Variants in RAD51D observed in about 807,000 individuals in gnomAD.
RAD51D encodes the protein RAD51 paralog D.
RAD51D carries 38 observed loss-of-function variants against 44.1 expected under a neutral mutation model. The ratio of observed to expected loss-of-function variants is 0.86; its 90% CI spans 0.67 to 1.13. The LOEUF is 1.13. Ranked by LOEUF, RAD51D falls within the 50% of genes most tolerant of loss-of-function variation. The probability of loss-of-function intolerance (pLI) is 0.00; values close to 1 mark genes in which losing one functional copy is unlikely to be tolerated. For missense variants in RAD51D, 390 were observed against 414.0 expected, an observed-to-expected ratio of 0.94 and a Z score of 0.50; for synonymous variants, 141 against 166.6, an observed-to-expected ratio of 0.85 and a Z score of 1.18.
rs953730173 is a variant in RAD51D, at chr17:35,098,909, T to C, written c.*2044A>G. Reference sequence around the variant, plus strand: ...CCCAGGCTGGGGTGTAGTGGTGCGATCAGGGCTCACTGCAGCCACAACCTC... The same window carrying C: ...CCCAGGCTGGGGTGTAGTGGTGCGACCAGGGCTCACTGCAGCCACAACCTC... On this transcript the variant is annotated 3_prime_UTR_variant, in exon 10 of 10. Coordinates refer to ENST00000345365, the MANE Select transcript of RAD51D (RefSeq NM_002878.4). 6.6e-6 allele frequency: 1 copy of C among 152,172 alleles called. No individual in the cohort carries two copies. The highest frequency in any genetic ancestry group is 2.4e-5 in the African/African-American group (1 of 41,382). The allele number at this position is 152,172 out of a possible 1,614,324, so 9.4% of individuals were successfully genotyped here. A position where few individuals can be genotyped will look rare whatever the true frequency, so the allele number is the denominator to read the frequency against.
chr17:35,106,612 G>C (rs899468343), intron 5 of RAD51D, 131 bp from the exon 6 acceptor site: 70 of 739,928 alleles, frequency 9.5e-5, no homozygotes, highest in Non-Finnish European at 1.3e-4. Context: ...TTTGTCTAAT[G>C]GTCAGTTGTC....
In RAD51D at chr17:35,100,340, T is replaced by C. The variant is rs2091519553; in HGVS notation, c.*613A>G. The C allele has an allele frequency of 1.9e-6, 1 of 534,124 alleles. No individual in the cohort carries two copies. The highest frequency in any genetic ancestry group is 1.5e-5 in the South Asian group (1 of 65,180). 33.1% of individuals were successfully genotyped at this position (534,124 alleles called of 1,614,324 possible). Reference sequence around the variant, plus strand: ...TTCTTTGGGCCTCACTGGGGGAAACTGAAAAACAGCCTTCTAAGGGGAAAT... The same window carrying C: ...TTCTTTGGGCCTCACTGGGGGAAACCGAAAAACAGCCTTCTAAGGGGAAAT... On this transcript the variant is annotated 3_prime_UTR_variant, in exon 10 of 10. Transcript: ENST00000345365.
chr17:35,117,812 C>T (rs2091767810), intron 3 of RAD51D, among the ~76,000 whole-genome samples: 1 of 152,160 alleles, frequency 6.6e-6, no homozygotes, highest in Admixed American at 6.5e-5. Flanking sequence ...GCAACTCCTT[C>T]TTTCTCTGAA....
At position 35,099,680 on chromosome 17, in the gene RAD51D, C is replaced by T. The variant is rs370047559; in HGVS notation, c.*1273G>A. On this transcript the variant is annotated 3_prime_UTR_variant, in exon 10 of 10. Coordinates refer to ENST00000345365, the MANE Select transcript of RAD51D (RefSeq NM_002878.4). ...ATGTCATTACTTTCTGAGTGTAACT[C>T]GGACCCTCCTTTCCTGCAGCCAAGA... The T allele has an allele frequency of 5.2e-6, 2 of 383,922 alleles. No homozygotes were observed. The highest frequency in any genetic ancestry group is 2.1e-5 in the African/African-American group (1 of 47,530). 23.8% of individuals were successfully genotyped at this position (383,922 alleles called of 1,614,324 possible).
rs2091520722 is a variant in RAD51D at position 35,100,476 on chromosome 17, A to G, written c.*477T>C. 2 of 535,456 alleles carry G rather than the reference A, an allele frequency of 3.7e-6. No homozygotes were observed. Among genetic ancestry groups the G allele is most frequent in the African/African-American group, 3.7e-5 (2 of 53,916 alleles). 33.2% of individuals were successfully genotyped at this position (535,456 alleles called of 1,614,324 possible). On this transcript the variant is annotated 3_prime_UTR_variant, in exon 10 of 10. Transcript: ENST00000345365. ...TATTTCCACCCAGTAACTCAGAGAC[A>G]GAGCTAAGGAAGAGTGGGCCCCCAT...
chr17:35,108,497 TAAAAAAA>T (rs900458144), intron 3 of RAD51D, among the ~76,000 whole-genome samples: 6 of 78,406 alleles, frequency 7.7e-5, no homozygotes, highest in African/African-American at 2.9e-4. Context: ...CTTTTCTCTT[TAAAAAAA>T]AAAAAAAAAA....
intron 3 of RAD51D, chr17:35,116,925 T>C (rs2091756524): frequency 6.2e-7 from 1 of 1,611,532 alleles, no homozygotes; most frequent in African/African-American, 1.3e-5. Context: ...TGTTCCTCCA[T>C]GCCCAAGTCC....
Position 35,097,545 on chromosome 17 carries a change from A to G in RAD51D, c.*3408T>C, listed in dbSNP as rs1221197904. The stretch of plus-strand genomic sequence containing the variant: ...TATATATATATATATGTATATGTAT[A>G]TGTATATTTTTTTCCTAAGAACTAG... On this transcript the variant is annotated 3_prime_UTR_variant, in exon 10 of 10. Coordinates refer to ENST00000345365, the MANE Select transcript of RAD51D (RefSeq NM_002878.4). The G allele has an allele frequency of 6.6e-6, 1 of 151,214 alleles. No individual in the cohort carries two copies. Among genetic ancestry groups the G allele is most frequent in the Non-Finnish European group, 1.5e-5 (1 of 67,860 alleles). The allele number at this position is 151,214 out of a possible 1,614,324, so 9.4% of individuals were successfully genotyped here. A position where few individuals can be genotyped will look rare whatever the true frequency, so the allele number is the denominator to read the frequency against.
chr17:35,103,398 A>C lies in RAD51D; in HGVS notation c.667+56T>G. ...TGGGGCTGGCCAGAGACCAGACTCC[A>C]GAGCTGGGAGGCGAGGTCACATTCC... On this transcript the variant is annotated intron_variant, in intron 7 of 9. Transcript: ENST00000345365. This position sits in a 1 kb window ranked among gnomAD's most constrained non-coding sequence, Gnocchi z 4.1. 6.2e-7 allele frequency: 1 copy of C among 1,608,564 alleles called. No homozygotes were observed. Among genetic ancestry groups the C allele is most frequent in the Non-Finnish European group, 8.5e-7 (1 of 1,174,876 alleles).
intron 3 of RAD51D, among the ~76,000 whole-genome samples, chr17:35,114,955 T>C (rs1468791305): frequency 1.3e-5 from 2 of 152,180 alleles, no homozygotes; most frequent in Non-Finnish European, 2.9e-5. Context: ...TTGACTCTAG[T>C]CAAGAATCAA....
At chr17:35,111,760 A>G (rs558783797) in intron 3 of RAD51D, among the ~76,000 whole-genome samples, 75 of 152,292 alleles carry the variant, frequency 4.9e-4, no homozygotes, top group African/African-American at 1.7e-3. Context: ...TAGCTAATCT[A>G]GGTAAAACTG....
rs780938875 is a variant in RAD51D at position 35,107,046 on chromosome 17, A to G, written c.422T>C (p.Leu141Pro). The G allele has an allele frequency of 1.1e-5, 18 of 1,614,128 alleles. No homozygotes were observed. Among genetic ancestry groups the G allele is most frequent in the Non-Finnish European group, 1.5e-5 (18 of 1,180,018 alleles). ...NVLYVDSNGG[L>P]TASRLLQLLQ... ...CAGCTGGAGGAGGCGGGAAGCTGTCAGCCCTCCATTGGAATCTACATATAG... is the reference window on the plus strand; with the variant it reads ...CAGCTGGAGGAGGCGGGAAGCTGTCGGCCCTCCATTGGAATCTACATATAG... Residue 141 changes from leucine to proline, a missense_variant, in exon 5 of 10, where the codon CTG (leucine) becomes CCG (proline). By Grantham distance (98) the Leu-to-Pro change is moderately conservative. Coordinates refer to ENST00000345365, the MANE Select transcript of RAD51D (RefSeq NM_002878.4).
At chr17:35,109,892 C>G (rs1365839906) in intron 3 of RAD51D, among the ~76,000 whole-genome samples, 3 of 151,530 alleles carry the variant, frequency 2.0e-5, no homozygotes, top group Non-Finnish European at 4.4e-5. Flanking sequence ...ATCTCAAACT[C>G]CCGACCTCAG....
At chr17:35,109,577 T>C (rs2091650623) in intron 3 of RAD51D, among the ~76,000 whole-genome samples, 1 of 152,244 alleles carries the variant, frequency 6.6e-6, no homozygotes, top group African/African-American at 2.4e-5. Flanking sequence ...TTTGGTATTA[T>C]CATTATTTTT....
chr17:35,112,377 TTTTG>T (rs1324914578), intron 3 of RAD51D, among the ~76,000 whole-genome samples: 37 of 148,984 alleles, frequency 2.5e-4, no homozygotes, highest in Admixed American at 6.7e-4. Flanking sequence ...CGCCCAGCCA[TTTTG>T]TTTGTTTTGT....
intron 5 of RAD51D, among the ~76,000 whole-genome samples, chr17:35,106,768 T>C (rs777070539): frequency 5.9e-5 from 9 of 152,144 alleles, no homozygotes; most frequent in Admixed American, 2.0e-4. Flanking sequence ...GTTTAGGGCA[T>C]GCAAAGAGTT....
Position 35,093,648 on chromosome 17 carries a change from G to A in RAD51D, c.*7305C>T, listed in dbSNP as rs765899803. 3.3e-5 allele frequency: 5 copies of A among 152,150 alleles called. No homozygotes were observed. Among genetic ancestry groups the A allele is most frequent in the Non-Finnish European group, 7.3e-5 (5 of 68,028 alleles). 9.4% of individuals were successfully genotyped at this position (152,150 alleles called of 1,614,324 possible). On this transcript the variant is annotated 3_prime_UTR_variant, in exon 10 of 10. Transcript: ENST00000345365. ...AAAGAGCAGCTACGTGGAACCTAAG[G>A]CATCTAACTCAGTAAAATATTGTAA... is the stretch of plus-strand genomic sequence containing the variant.
rs1597879295 is a variant in RAD51D at position 35,119,829 on chromosome 17, C to A, written c.-216G>T. On this transcript the variant is annotated 5_prime_UTR_variant, in exon 1 of 10. Transcript: ENST00000345365. Reference sequence around the variant, plus strand: ...CGCCGGGATTCCCGCGCCCAGAGCCCGCCCGCCGGGTCGCGCCGCGCTGCC... The same window carrying A: ...CGCCGGGATTCCCGCGCCCAGAGCCAGCCCGCCGGGTCGCGCCGCGCTGCC... The A allele has an allele frequency of 2.9e-6, 2 of 685,032 alleles. No individual in the cohort carries two copies. Among genetic ancestry groups the A allele is most frequent in the South Asian group, 1.5e-5 (1 of 66,156 alleles). The allele number at this position is 685,032 out of a possible 1,614,324, so 42.4% of individuals were successfully genotyped here.
rs1424478396 is a variant in RAD51D, at chr17:35,098,160, C to T, written c.*2793G>A. On this transcript the variant is annotated 3_prime_UTR_variant, in exon 10 of 10. Transcript: ENST00000345365. The stretch of plus-strand genomic sequence containing the variant: ...ATGGCCACAGAAACTCCTTGGGTGA[C>T]AGCTGTGGTGCCTTCAGCTGGAGTT... The T allele has an allele frequency of 6.6e-6, 1 of 152,248 alleles. No individual in the cohort carries two copies. The highest frequency in any genetic ancestry group is 1.5e-5 in the Non-Finnish European group (1 of 68,084). 9.4% of individuals were successfully genotyped at this position (152,248 alleles called of 1,614,324 possible).
Sources: gnomAD v4.1 joint callset for allele counts (sites outside exome capture counted in the v4.1 genomes callset) on GRCh38, gnomAD v4.1.1 for gene constraint, Gnocchi (gnomAD v3.1) non-coding constraint, MANE v1.5 for transcripts, NCBI Gene and HGNC (gene_info 2026-07-23, HGNC 2026-07-21) for gene names.